Variants in PABPC4L observed in about 807,000 individuals in gnomAD.
The protein encoded by PABPC4L is polyadenylate-binding protein 4-like.
For missense variants in PABPC4L, 452 were observed against 451.4 expected, an observed-to-expected ratio of 1.00 and a Z score of -0.01; for synonymous variants, 169 against 164.1, an observed-to-expected ratio of 1.03 and a Z score of -0.23.
chr4:133,968,425 T>G, the PABPC4L span, among the ~76,000 whole-genome samples: 1 of 152,164 alleles, frequency 6.6e-6, no homozygotes. Context: ...CTAATAAAAT[T>G]GGAGTACAGA....
chr4:133,953,542 T>C, the PABPC4L span, among the ~76,000 whole-genome samples: 1 of 152,176 alleles, frequency 6.6e-6, no homozygotes, highest in Non-Finnish European at 1.5e-5. Flanking sequence ...TCTTATTTGA[T>C]CCCTGAGCCT....
At chr4:134,055,864 C>A in the PABPC4L span, among the ~76,000 whole-genome samples, 46 of 151,994 alleles carry the variant, frequency 3.0e-4, no homozygotes, top group South Asian at 9.3e-3. Context: ...ATGGACCATG[C>A]TTTCAGTGTC....
chr4:134,034,153 A>G, the PABPC4L span, among the ~76,000 whole-genome samples: 1 of 151,952 alleles, frequency 6.6e-6, no homozygotes, highest in Non-Finnish European at 1.5e-5. Context: ...AGAATTATGC[A>G]AAGTCTACCT....
At chr4:134,115,330 CAATT>C in the PABPC4L span, among the ~76,000 whole-genome samples, 1 of 151,548 alleles carries the variant, frequency 6.6e-6, no homozygotes, top group African/African-American at 2.4e-5. Context: ...GAAAGGTAGT[CAATT>C]AAATAAGTGA....
chr4:133,988,449 G>T, the PABPC4L span, among the ~76,000 whole-genome samples: 1 of 152,076 alleles, frequency 6.6e-6, no homozygotes, highest in East Asian at 1.9e-4. Flanking sequence ...GGGGCTACAG[G>T]CCCCATACAA....
the PABPC4L span, among the ~76,000 whole-genome samples, chr4:134,113,073 A>G: frequency 4.7e-3 from 708 of 152,142 alleles, 2 homozygotes; most frequent in Non-Finnish European, 6.7e-3. Context: ...TTATAGAATA[A>G]GGATATAAAG....
At chr4:134,075,704 A>T in the PABPC4L span, among the ~76,000 whole-genome samples, 1 of 151,992 alleles carries the variant, frequency 6.6e-6, no homozygotes, top group East Asian at 1.9e-4. Context: ...CTTTTTCCAT[A>T]ATTTTTATTA....
At chr4:134,016,736 C>T in the PABPC4L span, among the ~76,000 whole-genome samples, 9 of 152,220 alleles carry the variant, frequency 5.9e-5, no homozygotes, top group East Asian at 1.9e-4. Flanking sequence ...GCTGCTAGCC[C>T]GTCTCTTAGA....
At chr4:134,137,941 C>A in the PABPC4L span, among the ~76,000 whole-genome samples, 1 of 151,744 alleles carries the variant, frequency 6.6e-6, no homozygotes, top group Non-Finnish European at 1.5e-5. Context: ...TAACAAGGGA[C>A]AGAACTGGGA....
chr4:134,201,285 C>G, intron 1 of PABPC4L, 40 bp from the exon 2 acceptor site: 7 of 1,437,724 alleles, frequency 4.9e-6, no homozygotes, highest in Non-Finnish European at 6.5e-6. Context: ...ACAAGACGTT[C>G]CTTCCCCTCA....
chr4:134,185,180 C>G, the PABPC4L span, among the ~76,000 whole-genome samples: 1 of 151,850 alleles, frequency 6.6e-6, no homozygotes, highest in Non-Finnish European at 1.5e-5. Context: ...TTACTTTGCA[C>G]GAATTGTGTC....
the PABPC4L span, among the ~76,000 whole-genome samples, chr4:134,029,037 G>A: frequency 6.6e-6 from 1 of 152,172 alleles, no homozygotes; most frequent in South Asian, 2.1e-4. Flanking sequence ...TTTTTATGTA[G>A]TAATAGCTTT....
chr4:134,086,680 T>A, the PABPC4L span, among the ~76,000 whole-genome samples: 1 of 151,492 alleles, frequency 6.6e-6, no homozygotes, highest in Non-Finnish European at 1.5e-5. Flanking sequence ...ATGTGGCACC[T>A]CCAGGAATCC....
chr4:133,985,558 A>AG, the PABPC4L span, among the ~76,000 whole-genome samples: 1 of 152,012 alleles, frequency 6.6e-6, no homozygotes, highest in Non-Finnish European at 1.5e-5. Context: ...CAAAACTGAA[A>AG]GAAAAAAAGA....
the PABPC4L span, among the ~76,000 whole-genome samples, chr4:134,085,372 T>C: frequency 6.6e-6 from 1 of 152,074 alleles, no homozygotes; most frequent in Non-Finnish European, 1.5e-5. Context: ...CATATACAAA[T>C]CTATGTAAAC....
the PABPC4L span, among the ~76,000 whole-genome samples, chr4:133,977,094 G>A: frequency 1.3e-5 from 2 of 152,018 alleles, no homozygotes; most frequent in Admixed American, 1.3e-4. Flanking sequence ...TTTTGTATAA[G>A]GTATAAGAAA....
the PABPC4L span, among the ~76,000 whole-genome samples, chr4:134,164,185 C>T: frequency 1.5e-5 from 2 of 135,976 alleles, no homozygotes; most frequent in Admixed American, 1.6e-4. Context: ...ATGGCGTGAA[C>T]CCGGGAGGCG....
the PABPC4L span, among the ~76,000 whole-genome samples, chr4:133,995,744 T>C: frequency 6.6e-6 from 1 of 152,142 alleles, no homozygotes; most frequent in South Asian, 2.1e-4. Context: ...ATAGCAGCTG[T>C]TACGTCTCGC....
the PABPC4L span, among the ~76,000 whole-genome samples, chr4:134,170,247 A>G: frequency 6.6e-6 from 1 of 152,086 alleles, no homozygotes; most frequent in Non-Finnish European, 1.5e-5. Context: ...ATTATTTTTT[A>G]CAGCTGTGTA....
Sources: gnomAD v4.1 joint callset for allele counts (sites outside exome capture counted in the v4.1 genomes callset) on GRCh38, gnomAD v4.1.1 for gene constraint, MANE v1.5 for transcripts, NCBI Gene and HGNC (gene_info 2026-07-23, HGNC 2026-07-21) for gene names.